EYA2: variants seen among roughly 807,000 people sequenced by gnomAD.
The protein encoded by EYA2 is protein phosphatase EYA2.
Under a neutral mutation model 69.2 loss-of-function variants are expected in EYA2, and 31 were observed. The observed-to-expected ratio is 0.45, with a 90% CI of 0.34 to 0.60. EYA2 has a LOEUF of 0.60. Among genes scored for constraint, EYA2 ranks in the 20% least tolerant of loss-of-function variants. EYA2 has a pLI of 0.02. For missense variants in EYA2, 622 were observed against 701.2 expected (o/e 0.89, Z 1.28); for synonymous variants, 257 against 279.4 (o/e 0.92, Z 0.80).
intron 10 of EYA2, among the ~76,000 whole-genome samples, chr20:47,166,343 A>G (rs146503349): frequency 0.021 from 2,702 of 130,048 alleles, 98 homozygotes; most frequent in African/African-American, 0.074. Context: ...GTGGCAGTGA[A>G]CTGAGATTGT....
chr20:47,097,314 C>T (rs2032278854), intron 9 of EYA2, 146 bp downstream of exon 9: 2 of 612,652 alleles, frequency 3.3e-6, no homozygotes, highest in Non-Finnish European at 5.6e-6. Flanking sequence ...TTTAAAAATT[C>T]CTATGACATT....
intron 9 of EYA2, among the ~76,000 whole-genome samples, chr20:47,111,291 C>T (rs1005543856): frequency 2.0e-5 from 3 of 149,574 alleles, no homozygotes; most frequent in African/African-American, 7.4e-5. Context: ...TACTACCTGG[C>T]TTAGCTGTGT....
chr20:47,041,772 T>C (rs913265173), intron 5 of EYA2, among the ~76,000 whole-genome samples: 3 of 152,186 alleles, frequency 2.0e-5, no homozygotes, highest in Admixed American at 6.5e-5. Flanking sequence ...TAGTAAATGT[T>C]TCCTGTACTT....
chr20:47,051,763 T>C (rs2146435666), intron 5 of EYA2, among the ~76,000 whole-genome samples: 1 of 152,328 alleles, frequency 6.6e-6, no homozygotes. Flanking sequence ...TTCATCAGTA[T>C]CCTGCTTAGG....
At chr20:47,010,036 A>G (rs954511317) in intron 4 of EYA2, among the ~76,000 whole-genome samples, 12 of 152,074 alleles carry the variant, frequency 7.9e-5, no homozygotes, top group African/African-American at 2.9e-4. Context: ...TAACTTACTT[A>G]CCCATTCTTT....
At chr20:46,906,140 T>G (rs192842260) in intron 1 of EYA2, among the ~76,000 whole-genome samples, 31 of 152,326 alleles carry the variant, frequency 2.0e-4, no homozygotes, top group African/African-American at 7.0e-4. Context: ...ACAAATGGTT[T>G]TACAATTTTT....
At chr20:47,120,840 C>T (rs2033025929) in intron 9 of EYA2, among the ~76,000 whole-genome samples, 1 of 152,094 alleles carries the variant, frequency 6.6e-6, no homozygotes, top group Admixed American at 6.5e-5. Flanking sequence ...TCAGATAGGA[C>T]TTTTTGTTAG....
At chr20:47,131,234 T>C (rs2033334425) in intron 9 of EYA2, among the ~76,000 whole-genome samples, 1 of 152,250 alleles carries the variant, frequency 6.6e-6, no homozygotes, top group South Asian at 2.1e-4. Context: ...CAATTTTTCT[T>C]TCTGTACAAC....
intron 14 of EYA2, among the ~76,000 whole-genome samples, chr20:47,181,492 A>G (rs146623089): frequency 1.3e-5 from 2 of 152,276 alleles, no homozygotes; most frequent in African/African-American, 4.8e-5. Context: ...CGTGGCCACA[A>G]GTAGCTGCCA....
At position 47,172,716 on chromosome 20, in the gene EYA2, C is replaced by G. The variant is rs1031595224; in HGVS notation, c.1047C>G (p.Asn349Lys). Residue 349 changes from asparagine (N) to lysine (K), a missense_variant, in exon 12 of 16, where the codon AAC becomes AAG. This residue lies in a region of EYA2 where 257 missense variants were observed against 351.5 expected (regional missense o/e 0.73). Transcript: ENST00000327619. ...DDNGQDLSTY[N>K]FSADGFHSSA... ...CCTCCTCTCTCCGCAGCACATACAA[C>G]TTCTCCGCTGACGGCTTCCACAGTT... The G allele has an allele frequency of 6.2e-7, 1 of 1,612,112 alleles. No individual in the cohort carries two copies. Among genetic ancestry groups the G allele is most frequent in the Non-Finnish European group, 8.5e-7 (1 of 1,179,218 alleles).
At chr20:47,126,126 G>A (rs1277336678) in intron 9 of EYA2, among the ~76,000 whole-genome samples, 1 of 152,234 alleles carries the variant, frequency 6.6e-6, no homozygotes, top group Non-Finnish European at 1.5e-5. Flanking sequence ...GGAGACACAA[G>A]CCCAGCCCAA....
At chr20:46,952,607 C>G (rs1978872499) in intron 1 of EYA2, among the ~76,000 whole-genome samples, 2 of 152,268 alleles carry the variant, frequency 1.3e-5, no homozygotes, top group African/African-American at 4.8e-5. Context: ...GGGCATTTTG[C>G]TAGAGCTCCT....
At chr20:47,139,583 C>T (rs1031422127) in intron 9 of EYA2, among the ~76,000 whole-genome samples, 2 of 152,174 alleles carry the variant, frequency 1.3e-5, no homozygotes, top group Non-Finnish European at 2.9e-5. Flanking sequence ...GCATGCGCCA[C>T]CACACCCGGC....
intron 5 of EYA2, among the ~76,000 whole-genome samples, chr20:47,027,437 G>A (rs984437935): frequency 6.6e-6 from 1 of 152,152 alleles, no homozygotes; most frequent in African/African-American, 2.4e-5. Flanking sequence ...CAGCATTCTC[G>A]CCCCTGTGCA....
chr20:47,185,276 CTTTTTTTTTTTTTTTTTTTTTTTTT>C (rs765083065), intron 15 of EYA2, among the ~76,000 whole-genome samples: 3 of 55,844 alleles, frequency 5.4e-5, no homozygotes, highest in Admixed American at 5.5e-4. Context: ...GAATCACACT[CTTTTTTTTTTTTTTTTTTTTTTTTT>C]TTTTTTTTTT....
intron 5 of EYA2, among the ~76,000 whole-genome samples, chr20:47,055,948 CT>C (rs138233454): frequency 0.012 from 1,809 of 152,278 alleles, 35 homozygotes; most frequent in African/African-American, 0.04. Context: ...CAGGATGGCT[CT>C]TCCCGCCCCT....
chr20:47,128,985 A>G lies in EYA2; in HGVS notation c.889-14074A>G, dbSNP rs536016608. 2.5e-3 allele frequency among the ~76,000 whole-genome samples: 383 copies of G among 152,282 alleles called. 5 individuals carry two copies. The highest frequency in any genetic ancestry group is 8.9e-3 in the African/African-American group (369 of 41,548). ...TAAAAAATACAAAAATTAGCCGAGC[A>G]TGGTGGCATGTGCCCATAGTCCCAG... is the stretch of plus-strand genomic sequence containing the variant. On this transcript the variant is annotated intron_variant, in intron 9 of 15. Coordinates refer to ENST00000327619, the MANE Select transcript of EYA2 (RefSeq NM_005244.5).
rs1478640802 is a variant in EYA2, at chr20:47,179,880, C to T, written c.1281C>T (p.His427=). 3 of 1,614,124 alleles carry T rather than the reference C, an allele frequency of 1.9e-6. No homozygotes were observed. Among genetic ancestry groups the T allele is most frequent in the South Asian group, 2.2e-5 (2 of 91,084 alleles). ...CTCTCACAGACCTCTGGCTGACCCA[C>T]TCCCTGAAGGCACTAAACCTCATCA... The part of the protein sequence containing the change: ...LEALTDLWLT[H]SLKALNLINS... The change falls in exon 13 of 16, where the codon CAC becomes CAT. Residue 427 remains histidine, a synonymous_variant. Transcript: ENST00000327619.
chr20:47,157,573 G>A (rs926976466), intron 10 of EYA2, among the ~76,000 whole-genome samples: 5 of 151,940 alleles, frequency 3.3e-5, no homozygotes, highest in Admixed American at 6.6e-5. Context: ...CAGAATGAAA[G>A]GGTGGACATT....
Sources: gnomAD v4.1 joint callset for allele counts (sites outside exome capture counted in the v4.1 genomes callset) on GRCh38, gnomAD v4.1.1 for gene constraint, gnomAD v4.1.1 regional missense constraint, MANE v1.5 for transcripts, NCBI Gene and HGNC (gene_info 2026-07-23, HGNC 2026-07-21) for gene names.